The following BAZ1B variants were observed in gnomAD, a reference collection of about 807,000 sequenced individuals.
BAZ1B encodes bromodomain adjacent to zinc finger domain 1B, also known as tyrosine-protein kinase BAZ1B.
Under a neutral mutation model 153.8 loss-of-function variants are expected in BAZ1B, and 22 were observed. The observed-to-expected ratio is 0.14, with a 90% CI of 0.10 to 0.20. BAZ1B has a LOEUF of 0.20. Among genes scored for constraint, BAZ1B ranks in the 10% least tolerant of loss-of-function variants. The pLI, the probability that BAZ1B is intolerant of heterozygous loss-of-function variation, is 1.00. For synonymous variants in BAZ1B, 676 were observed against 633.4 expected, an observed-to-expected ratio of 1.07 and a Z score of -1.01; for missense variants, 1,325 against 1,799.3, an observed-to-expected ratio of 0.74 and a Z score of 4.77.
intron 10 of BAZ1B, among the ~76,000 whole-genome samples, chr7:73,466,070 T>C (rs1554571122): frequency 6.6e-6 from 1 of 152,178 alleles, no homozygotes; most frequent in Non-Finnish European, 1.5e-5. Flanking sequence ...TACAAAGTTA[T>C]ATTACAGGGG....
intron 7 of BAZ1B, among the ~76,000 whole-genome samples, chr7:73,475,132 T>G (rs760532336): frequency 6.6e-6 from 1 of 152,202 alleles, no homozygotes; most frequent in African/African-American, 2.4e-5. Flanking sequence ...CTGGTGGGCA[T>G]GTAAAATTGT....
intron 4 of BAZ1B, among the ~76,000 whole-genome samples, chr7:73,497,662 T>C (rs1053445231): frequency 1.1e-4 from 16 of 152,170 alleles, no homozygotes; most frequent in Non-Finnish European, 1.9e-4. Context: ...TTCCAATACA[T>C]TCATTGAAAA....
At chr7:73,453,813 T>C (rs1316845711) in intron 13 of BAZ1B, among the ~76,000 whole-genome samples, 1 of 150,992 alleles carries the variant, frequency 6.6e-6, no homozygotes. Context: ...ACCTTGCCTC[T>C]ACAGAAAAAT....
intron 10 of BAZ1B, 147 bp downstream of exon 10, chr7:73,466,149 G>C (rs946545635): frequency 1.7e-6 from 1 of 582,040 alleles, no homozygotes; most frequent in Non-Finnish European, 2.9e-6. Context: ...GTCTGCTAAT[G>C]CAAGAAGTTT....
intron 7 of BAZ1B, among the ~76,000 whole-genome samples, chr7:73,474,430 A>T (rs1030313201): frequency 2.6e-5 from 4 of 152,206 alleles, no homozygotes; most frequent in African/African-American, 9.6e-5. Context: ...AGATAAAATG[A>T]ACCTCATCAA....
chr7:73,469,086 C>G (rs973388414), intron 9 of BAZ1B, among the ~76,000 whole-genome samples: 1 of 150,646 alleles, frequency 6.6e-6, no homozygotes, highest in African/African-American at 2.4e-5. Flanking sequence ...GCCGAGATCA[C>G]GCCATTGCTC....
rs192314041 is a variant in BAZ1B, at chr7:73,506,450, G to A, written c.369+1877C>T. On this transcript the variant is annotated intron_variant, in intron 3 of 19. Transcript: ENST00000339594. The stretch of plus-strand genomic sequence containing the variant: ...GGAGGCGAATCTTGCAGTGAGCTGA[G>A]ATCATGCCACTGCACTCCAGCCTAG... 3.1e-3 allele frequency among the ~76,000 whole-genome samples: 461 copies of A among 150,942 alleles called. 11 individuals carry two copies. Among genetic ancestry groups the A allele is most frequent in the Admixed American group, 0.025 (381 of 15,082 alleles).
intron 6 of BAZ1B, among the ~76,000 whole-genome samples, chr7:73,480,211 T>C (rs1400129796): frequency 6.6e-6 from 1 of 150,626 alleles, no homozygotes; most frequent in African/African-American, 2.4e-5. Flanking sequence ...GCCAGGCACC[T>C]CAAACGGGTC....
intron 5 of BAZ1B, among the ~76,000 whole-genome samples, chr7:73,490,238 C>T (rs147460197): frequency 3.2e-3 from 487 of 152,260 alleles, no homozygotes; most frequent in Middle Eastern, 0.014. Context: ...CTATCACACA[C>T]ATTAAAATCT....
At chr7:73,490,179 C>A (rs1789579377) in intron 5 of BAZ1B, among the ~76,000 whole-genome samples, 1 of 152,166 alleles carries the variant, frequency 6.6e-6, no homozygotes, top group African/African-American at 2.4e-5. Context: ...TTATGACTCT[C>A]TGGCAGTAGA....
intron 10 of BAZ1B, among the ~76,000 whole-genome samples, 192 bp from the exon 11 acceptor site, chr7:73,465,729 G>A (rs908797096): frequency 2.2e-4 from 33 of 152,048 alleles, no homozygotes; most frequent in Non-Finnish European, 1.5e-4. Flanking sequence ...TCTGTACTAG[G>A]ACACCAGAGC....
At chr7:73,496,810 GCT>G (rs1789920959) in intron 4 of BAZ1B, among the ~76,000 whole-genome samples, 3 of 151,922 alleles carry the variant, frequency 2.0e-5, no homozygotes, top group African/African-American at 7.3e-5. Flanking sequence ...GGGGGTTAGG[GCT>G]CTGACCTCTC....
chr7:73,489,254 T>C lies in BAZ1B; in HGVS notation c.831A>G (p.Glu277=), dbSNP rs782029267. ...TGGGCAGAGAGTATTTCTTCACCAA[T>C]TCATCTTCTACGACCCAAGGTGCAT... ...GENAPWVVED[E]LVKKYSLPSK... The change falls in exon 6 of 20, where the codon GAA becomes GAG. Residue 277 remains glutamate, a synonymous_variant. Transcript: ENST00000339594. The C allele has an allele frequency of 6.2e-7, 1 of 1,614,196 alleles. No homozygotes were observed. The highest frequency in any genetic ancestry group is 1.1e-5 in the South Asian group (1 of 91,086).
intron 6 of BAZ1B, among the ~76,000 whole-genome samples, chr7:73,481,226 A>G (rs892460695): frequency 2.7e-5 from 4 of 150,616 alleles, no homozygotes; most frequent in East Asian, 4.1e-4. Flanking sequence ...CCAGACCCCA[A>G]TTAAGATTTA....
chr7:73,469,872 ATTTC>A (rs1788730413), intron 8 of BAZ1B, among the ~76,000 whole-genome samples: 1 of 152,116 alleles, frequency 6.6e-6, no homozygotes, highest in South Asian at 2.1e-4. Context: ...AATTTGTATA[ATTTC>A]TTTCTTTTTT....
chr7:73,509,170 G>C (rs1363683066), intron 2 of BAZ1B, among the ~76,000 whole-genome samples: 9 of 149,574 alleles, frequency 6.0e-5, no homozygotes, highest in Admixed American at 3.4e-4. Flanking sequence ...CAAAATACAA[G>C]AATTAGCCGG....
At chr7:73,518,760 G>A (rs1255077494) in intron 1 of BAZ1B, among the ~76,000 whole-genome samples, 2 of 152,200 alleles carry the variant, frequency 1.3e-5, no homozygotes, top group African/African-American at 4.8e-5. Context: ...TGTAGAGCCA[G>A]ATTAACAGTA....
At chr7:73,461,605 G>A (rs183690717) in intron 12 of BAZ1B, among the ~76,000 whole-genome samples, 143 of 151,984 alleles carry the variant, frequency 9.4e-4, no homozygotes, top group Non-Finnish European at 1.7e-3. Context: ...TTTTCCCCAG[G>A]AAATGTACCA....
chr7:73,488,018 T>C (rs1230631633), intron 6 of BAZ1B, among the ~76,000 whole-genome samples: 1 of 152,204 alleles, frequency 6.6e-6, no homozygotes, highest in South Asian at 2.1e-4. Flanking sequence ...CTTAAGATAA[T>C]TGAACAAATT....
Sources: gnomAD v4.1 joint callset for allele counts (sites outside exome capture counted in the v4.1 genomes callset) on GRCh38, gnomAD v4.1.1 for gene constraint, MANE v1.5 for transcripts, NCBI Gene and HGNC (gene_info 2026-07-23, HGNC 2026-07-21) for gene names.